The following NELL1 variants were observed in gnomAD, a reference collection of about 807,000 sequenced individuals.
NELL1 encodes neural EGFL like 1.
Under a neutral mutation model 107.4 loss-of-function variants are expected in NELL1, and 76 were observed. That is an observed-to-expected ratio of 0.71 (90% CI 0.59 to 0.86). NELL1 has a LOEUF of 0.86. Among genes scored for constraint, NELL1 ranks in the 40% least tolerant of loss-of-function variants. The pLI, the probability that NELL1 is intolerant of heterozygous loss-of-function variation, is 0.00. For synonymous variants in NELL1, 353 were observed against 341.2 expected, an observed-to-expected ratio of 1.03 and a Z score of -0.38; for missense variants, 1,024 against 1,005.5, an observed-to-expected ratio of 1.02 and a Z score of -0.25.
chr11:20,818,414 T>C (rs1328072324), intron 3 of NELL1, among the ~76,000 whole-genome samples: 1 of 132,840 alleles, frequency 7.5e-6, no homozygotes, highest in Non-Finnish European at 1.5e-5. Context: ...TGCTTTTTTT[T>C]TTTTTTTTTT....
intron 16 of NELL1, among the ~76,000 whole-genome samples, chr11:21,553,922 T>TA: frequency 6.6e-6 from 1 of 152,018 alleles, no homozygotes; most frequent in East Asian, 1.9e-4. Flanking sequence ...ATAATGGCTA[T>TA]AACAATACAG....
At chr11:20,734,814 T>G (rs1770243133) in intron 2 of NELL1, among the ~76,000 whole-genome samples, 1 of 152,090 alleles carries the variant, frequency 6.6e-6, no homozygotes, top group Non-Finnish European at 1.5e-5. Context: ...GTGATAAGAT[T>G]ATTTAGGGCA....
At chr11:20,920,808 G>T (rs1031879604) in intron 7 of NELL1, among the ~76,000 whole-genome samples, 9 of 152,028 alleles carry the variant, frequency 5.9e-5, no homozygotes, top group Admixed American at 3.3e-4. Flanking sequence ...GCCACAGAGA[G>T]CTCTATTCTC....
intron 13 of NELL1, among the ~76,000 whole-genome samples, chr11:21,200,833 A>C (rs1215281882): frequency 6.6e-6 from 1 of 152,312 alleles, no homozygotes; most frequent in East Asian, 1.9e-4. Context: ...AAGGGGGTCC[A>C]GTTTTAGTTT....
chr11:21,511,631 AT>A (rs1590992985), intron 15 of NELL1, among the ~76,000 whole-genome samples: 3 of 152,186 alleles, frequency 2.0e-5, no homozygotes, highest in South Asian at 2.1e-4. Flanking sequence ...GTCAAAGAAA[AT>A]TTTTTCAGAC....
intron 15 of NELL1, among the ~76,000 whole-genome samples, chr11:21,477,583 A>C (rs1259133574): frequency 6.6e-6 from 1 of 152,102 alleles, no homozygotes; most frequent in African/African-American, 2.4e-5. Context: ...CTCAGGAAGG[A>C]TGGGTACAAA....
chr11:20,989,730 C>G (rs147004774), intron 12 of NELL1, among the ~76,000 whole-genome samples: 1 of 152,070 alleles, frequency 6.6e-6, no homozygotes, highest in African/African-American at 2.4e-5. Flanking sequence ...TGGTGGCTCA[C>G]ACCTGTAATC....
chr11:21,285,749 C>T (rs960606328), intron 14 of NELL1, among the ~76,000 whole-genome samples: 9 of 152,278 alleles, frequency 5.9e-5, no homozygotes, highest in Non-Finnish European at 1.0e-4. Context: ...CAGTCTTTTA[C>T]GGTTTACTTT....
chr11:21,350,599 G>A (rs1352648533), intron 14 of NELL1, among the ~76,000 whole-genome samples: 2 of 152,214 alleles, frequency 1.3e-5, no homozygotes, highest in Non-Finnish European at 1.5e-5. Context: ...GGTGAGACTC[G>A]CTAACTCTGC....
At chr11:20,670,404 G>C (rs1853871420) in intron 1 of NELL1, 1 of 152,398 alleles carries the variant, frequency 6.6e-6, no homozygotes, top group African/African-American at 2.4e-5. Flanking sequence ...GAGGGAAATA[G>C]AGCAGTGGAG....
intron 14 of NELL1, among the ~76,000 whole-genome samples, chr11:21,268,851 A>G (rs1003380259): frequency 1.3e-5 from 2 of 152,176 alleles, no homozygotes; most frequent in African/African-American, 2.4e-5. Context: ...TTGGGAGTAG[A>G]CCTGGAATTT....
At chr11:20,765,946 G>A (rs1856520670) in intron 2 of NELL1, among the ~76,000 whole-genome samples, 1 of 152,138 alleles carries the variant, frequency 6.6e-6, no homozygotes, top group Non-Finnish European at 1.5e-5. Flanking sequence ...AAACTGAAAT[G>A]CTATATCCAT....
At chr11:20,992,130 G>T (rs1169538356) in intron 12 of NELL1, among the ~76,000 whole-genome samples, 1 of 152,046 alleles carries the variant, frequency 6.6e-6, no homozygotes, top group South Asian at 2.1e-4. Context: ...AATTTCTGGG[G>T]CAACTCTGTA....
chr11:21,084,935 G>A (rs1299151874), intron 12 of NELL1, among the ~76,000 whole-genome samples: 4 of 152,098 alleles, frequency 2.6e-5, no homozygotes, highest in Non-Finnish European at 4.4e-5. Flanking sequence ...CCATTTATTA[G>A]CAGAGTGACC....
intron 12 of NELL1, among the ~76,000 whole-genome samples, chr11:20,982,555 A>G (rs1186303692): frequency 2.6e-5 from 4 of 152,180 alleles, no homozygotes; most frequent in African/African-American, 7.2e-5. Flanking sequence ...TTCATCCGCT[A>G]TGAGATGCCA....
intron 2 of NELL1, among the ~76,000 whole-genome samples, chr11:20,712,349 T>C (rs189689407): frequency 1.5e-3 from 228 of 152,330 alleles, no homozygotes; most frequent in African/African-American, 5.1e-3. Flanking sequence ...TTTTCATCCA[T>C]AGCCTGCATT....
At chr11:20,872,671 G>GGTGTGTGTGTGT (rs61184129) in intron 4 of NELL1, among the ~76,000 whole-genome samples, 2,073 of 137,136 alleles carry the variant, frequency 0.015, 40 homozygotes, top group Non-Finnish European at 0.021. Context: ...CAGTGTTTGA[G>GGTGTGTGTGTGT]GTGTGTGTGT....
chr11:21,312,592 T>G (rs925545810), intron 14 of NELL1, among the ~76,000 whole-genome samples: 9 of 152,128 alleles, frequency 5.9e-5, no homozygotes, highest in African/African-American at 2.2e-4. Context: ...TTCTCTTTTC[T>G]CAGACTAGCA....
In NELL1 at chr11:21,209,097, G is replaced by A. The variant is rs896805599; in HGVS notation, c.1427-20235G>A. ...CACAAAGGAGTCCAATAATGAATGA[G>A]ATTTAGTTATCGATTCTGGCACATA... On this transcript the variant is annotated intron_variant, in intron 13 of 19. Transcript: ENST00000357134. Among the ~76,000 whole-genome samples the A allele has an allele frequency of 3.3e-5, 5 of 152,036 alleles. No homozygotes were observed. In the East Asian group the frequency reaches 9.6e-4, roughly 29 times the overall value.
Sources: gnomAD v4.1 joint callset for allele counts (sites outside exome capture counted in the v4.1 genomes callset) on GRCh38, gnomAD v4.1.1 for gene constraint, MANE v1.5 for transcripts, NCBI Gene and HGNC (gene_info 2026-07-23, HGNC 2026-07-21) for gene names.